CDH11: variants seen among roughly 807,000 people sequenced by gnomAD.
CDH11 encodes the protein cadherin 11, also known as cadherin-11.
In CDH11, 11 loss-of-function variants were observed where a neutral mutation model predicts 67.8. That is an observed-to-expected ratio of 0.16 (90% CI 0.10 to 0.27). CDH11 has a LOEUF of 0.27. CDH11 is among the 10% of genes least tolerant of loss of function. The pLI, the probability that CDH11 is intolerant of heterozygous loss-of-function variation, is 1.00. For synonymous variants in CDH11, 419 were observed against 400.0 expected (o/e 1.05, Z -0.57); for missense variants, 847 against 1,031.2 (o/e 0.82, Z 2.45).
chr16:64,962,386 G>C (rs1250217946), intron 11 of CDH11, among the ~76,000 whole-genome samples: 1 of 152,152 alleles, frequency 6.6e-6, no homozygotes, highest in Non-Finnish European at 1.5e-5. Flanking sequence ...GCCGTCCCCA[G>C]ATTGGAGACA....
At chr16:65,066,102 A>G (rs537581972) in intron 1 of CDH11, among the ~76,000 whole-genome samples, 192 of 152,336 alleles carry the variant, frequency 1.3e-3, no homozygotes, top group African/African-American at 4.5e-3. Flanking sequence ...CTTCAGCTTC[A>G]CCTGGGGAAG....
rs780620859 is a variant in CDH11 at position 64,950,779 on chromosome 16, C to T, written c.1882G>A (p.Val628Ile). The change falls in exon 12 of 13, where the codon GTC (valine) becomes ATC (isoleucine). Residue 628 changes from valine (V) to isoleucine (I), a missense_variant. By Grantham distance (29) the Val-to-Ile change is conservative. Transcript: ENST00000268603. ...GAAGCGCCCTTACCCAGGAGAATGACGATGCAGGCGAGGATGGCGATCAGG... is the reference window on the plus strand; with the variant it reads ...GAAGCGCCCTTACCCAGGAGAATGATGATGCAGGCGAGGATGGCGATCAGG... ...GALIAILACI[V>I]ILLVIVVLFV... is the part of the protein sequence containing the mutation. The T allele has an allele frequency of 1.2e-6, 2 of 1,613,658 alleles. No individual in the cohort carries two copies. The highest frequency in any genetic ancestry group is 1.7e-5 in the Admixed American group (1 of 60,020).
intron 1 of CDH11, among the ~76,000 whole-genome samples, chr16:65,079,523 G>A (rs547961476): frequency 6.6e-6 from 1 of 152,150 alleles, no homozygotes; most frequent in Non-Finnish European, 1.5e-5. Flanking sequence ...GTGTGTGTGC[G>A]TGTTCCAATC....
intron 1 of CDH11, among the ~76,000 whole-genome samples, chr16:65,073,084 C>A (rs182997011): frequency 2.0e-5 from 3 of 152,036 alleles, no homozygotes; most frequent in Non-Finnish European, 2.9e-5. Context: ...TGTGTCTAAC[C>A]ACAGTTATTG....
At chr16:65,079,560 T>C (rs2074575369) in intron 1 of CDH11, among the ~76,000 whole-genome samples, 1 of 152,194 alleles carries the variant, frequency 6.6e-6, no homozygotes, top group Admixed American at 6.5e-5. Context: ...TCCAATTCTC[T>C]AGGATTAGGT....
chr16:65,022,256 A>G (rs1208910495), intron 2 of CDH11, among the ~76,000 whole-genome samples: 1 of 147,312 alleles, frequency 6.8e-6, no homozygotes, highest in East Asian at 2.0e-4. Flanking sequence ...AAAAAAAAAA[A>G]CTTGTTTTAA....
chr16:65,090,322 A>G (rs1436298634), intron 1 of CDH11, among the ~76,000 whole-genome samples: 1 of 152,106 alleles, frequency 6.6e-6, no homozygotes, highest in Non-Finnish European at 1.5e-5. Context: ...TCTTACAACT[A>G]ACAATATTGT....
At chr16:65,030,477 C>G (rs1316252391) in intron 2 of CDH11, among the ~76,000 whole-genome samples, 4 of 152,168 alleles carry the variant, frequency 2.6e-5, no homozygotes, top group Non-Finnish European at 5.9e-5. Flanking sequence ...TTTTAACTAT[C>G]TTCCTATGAA....
intron 8 of CDH11, among the ~76,000 whole-genome samples, chr16:64,975,838 C>A (rs35223): frequency 0.72 from 108,981 of 151,836 alleles, 41,435 homozygotes; most frequent in East Asian, 1. Flanking sequence ...TACACATGTA[C>A]CCCCTGAATC....
At chr16:65,082,492 A>C (rs2074627788) in intron 1 of CDH11, among the ~76,000 whole-genome samples, 1 of 152,178 alleles carries the variant, frequency 6.6e-6, no homozygotes, top group South Asian at 2.1e-4. Context: ...AGAAGTCCAC[A>C]CTGAAGTCAG....
intron 1 of CDH11, among the ~76,000 whole-genome samples, chr16:65,057,955 C>T (rs890254475): frequency 1.1e-4 from 16 of 152,298 alleles, no homozygotes; most frequent in African/African-American, 3.8e-4. Flanking sequence ...ACTGGGAAGG[C>T]CAGCTGCAGT....
intron 3 of CDH11, among the ~76,000 whole-genome samples, chr16:65,001,179 CA>C (rs1161060567): frequency 6.6e-6 from 1 of 152,126 alleles, no homozygotes; most frequent in Non-Finnish European, 1.5e-5. Flanking sequence ...TTACAAAGAC[CA>C]TTTTGTTTTC....
Position 65,068,812 on chromosome 16 carries a change from C to T in CDH11, c.-297-14884G>A, listed in dbSNP as rs565335143. 4.6e-5 allele frequency among the ~76,000 whole-genome samples: 7 copies of T among 152,174 alleles called. No individual in the cohort carries two copies. In the South Asian group the frequency reaches 1.5e-3, roughly 32 times the overall value. On this transcript the variant is annotated intron_variant, in intron 1 of 12. Transcript: ENST00000268603. ...GTTTTGTCTCTCAGTTAAATGCCAC[C>T]CATTTTCAGAAATAAGAAAAATGCT...
chr16:65,070,212 T>C (rs2074392759), intron 1 of CDH11, among the ~76,000 whole-genome samples: 1 of 152,068 alleles, frequency 6.6e-6, no homozygotes, highest in African/African-American at 2.4e-5. Flanking sequence ...GGCAACAAAT[T>C]CATTTGTCCC....
At chr16:65,076,640 T>G (rs927201766) in intron 1 of CDH11, among the ~76,000 whole-genome samples, 1 of 152,090 alleles carries the variant, frequency 6.6e-6, no homozygotes, top group Non-Finnish European at 1.5e-5. Flanking sequence ...CAACCTGTCA[T>G]CTACACTAGG....
In CDH11 at chr16:64,973,020, G is replaced by A. The variant is rs903448717; in HGVS notation, c.1274C>T (p.Thr425Ile). The change falls in exon 9 of 13, where the codon ACT (threonine) becomes ATT (isoleucine). Residue 425 changes from threonine to isoleucine, a missense_variant. Thr to Ile is a moderately conservative substitution (Grantham distance 89, BLOSUM62 -1). Around this residue, in one of 2 missense-constraint regions of CDH11, gnomAD observed 612 missense variants for 678.7 expected, o/e 0.90. Transcript: ENST00000268603. ...SPIRYSIDRH[T>I]DLDRFFTINP... is the part of the protein sequence containing the mutation. ...AATAGTGAAAAATCTGTCGAGGTCA[G>A]TGTGACGATCGATGGAATACCTAAG... 6.2e-7 allele frequency: 1 copy of A among 1,613,592 alleles called. No homozygotes were observed. Among genetic ancestry groups the A allele is most frequent in the South Asian group, 1.1e-5 (1 of 91,076 alleles).
chr16:65,033,667 G>A lies in CDH11; in HGVS notation c.-173+20137C>T, dbSNP rs187239632. Among the ~76,000 whole-genome samples, 1,077 of 149,896 alleles carry A rather than the reference G, an allele frequency of 7.2e-3. 7 individuals are homozygous for A. Among genetic ancestry groups the A allele is most frequent in the Non-Finnish European group, 0.011 (736 of 67,974 alleles). ...CAGGAGAACCGCTTGAAACCGGGAG[G>A]TGGAGGTTGCAGTGAGCCCAGATCA... On this transcript the variant is annotated intron_variant, in intron 2 of 12. Coordinates refer to ENST00000268603, the MANE Select transcript of CDH11 (RefSeq NM_001797.4).
At chr16:65,021,826 A>G (rs2073431066) in intron 2 of CDH11, among the ~76,000 whole-genome samples, 1 of 148,388 alleles carries the variant, frequency 6.7e-6, no homozygotes, top group Admixed American at 6.9e-5. Flanking sequence ...GTCTCCAAAT[A>G]GATGGCAAGC....
At chr16:65,050,063 G>T (rs971301673) in intron 2 of CDH11, among the ~76,000 whole-genome samples, 2 of 152,118 alleles carry the variant, frequency 1.3e-5, no homozygotes, top group Non-Finnish European at 2.9e-5. Flanking sequence ...ATTCCTGCTG[G>T]TTATTACTCA....
Sources: gnomAD v4.1 joint callset for allele counts (sites outside exome capture counted in the v4.1 genomes callset) on GRCh38, gnomAD v4.1.1 for gene constraint, gnomAD v4.1.1 regional missense constraint, MANE v1.5 for transcripts, NCBI Gene and HGNC (gene_info 2026-07-23, HGNC 2026-07-21) for gene names.